NAALADL2: variants seen among roughly 807,000 people sequenced by gnomAD.
NAALADL2 encodes the protein inactive N-acetylated-alpha-linked acidic dipeptidase-like protein 2.
A neutral mutation model predicts 87.2 loss-of-function variants in NAALADL2; 76 were observed. The ratio of observed to expected loss-of-function variants is 0.87; its 90% CI spans 0.72 to 1.05. NAALADL2 has a LOEUF of 1.05. NAALADL2 is among the 50% of genes least tolerant of loss of function. The probability of loss-of-function intolerance (pLI) is 0.00; values close to 1 mark genes in which losing one functional copy is unlikely to be tolerated. For missense variants in NAALADL2, 1,089 were observed against 945.8 expected, an observed-to-expected ratio of 1.15 and a Z score of -1.99; for synonymous variants, 354 against 331.0, an observed-to-expected ratio of 1.07 and a Z score of -0.75.
intron 3 of NAALADL2, among the ~76,000 whole-genome samples, chr3:174,831,465 A>G (rs1722677980): frequency 7.1e-6 from 1 of 140,564 alleles, no homozygotes; most frequent in Admixed American, 7.0e-5. Flanking sequence ...AGCCCACTTG[A>G]TCATGGTGGA....
chr3:175,525,762 A>T (rs945959762), intron 9 of NAALADL2, among the ~76,000 whole-genome samples: 3 of 152,120 alleles, frequency 2.0e-5, no homozygotes, highest in Non-Finnish European at 2.9e-5. Context: ...AATTAAAAAG[A>T]TGTCATATAT....
chr3:174,888,855 G>C (rs2109776774), intron 1 of NAALADL2, among the ~76,000 whole-genome samples: 1 of 152,272 alleles, frequency 6.6e-6, no homozygotes, highest in South Asian at 2.1e-4. Context: ...TATTTGCTTG[G>C]TTAACTGCAA....
chr3:174,929,613 TTTGA>T (rs1427090708), intron 1 of NAALADL2, among the ~76,000 whole-genome samples: 2 of 152,138 alleles, frequency 1.3e-5, no homozygotes, highest in East Asian at 1.9e-4. Flanking sequence ...TTGCTATCTG[TTTGA>T]TTGAGAAAAT....
chr3:175,503,655 T>A (rs528018755), intron 9 of NAALADL2, among the ~76,000 whole-genome samples: 1 of 152,188 alleles, frequency 6.6e-6, no homozygotes, highest in East Asian at 1.9e-4. Flanking sequence ...CTCATTGTGG[T>A]TTTGGTTTGT....
Position 175,782,915 on chromosome 3 carries a change from T to C in NAALADL2, c.2190-20090T>C, listed in dbSNP as rs549417547. Among the ~76,000 whole-genome samples the C allele has an allele frequency of 2.6e-3, 383 of 147,832 alleles. 4 individuals are homozygous for C. The highest frequency in any genetic ancestry group is 0.021 in the Middle Eastern group (6 of 288). ...TAAGGAAGGGATCCAGTTTCAGCTT[T>C]CTACATATGGCTAGCCAGTTTTCCC... is the stretch of plus-strand genomic sequence containing the variant. On this transcript the variant is annotated intron_variant, in intron 13 of 13. Transcript: ENST00000454872.
At chr3:174,780,168 C>T (rs933393937) in intron 3 of NAALADL2, among the ~76,000 whole-genome samples, 5 of 152,116 alleles carry the variant, frequency 3.3e-5, no homozygotes, top group African/African-American at 1.2e-4. Context: ...TTGTAAATCT[C>T]CTTGAAGAAG....
chr3:175,097,034 G>T lies in NAALADL2; in HGVS notation c.288G>T (p.Arg96Ser), dbSNP rs575342355. Residue 96 changes from arginine (R) to serine (S), a missense_variant, in exon 2 of 14, where the codon AGG (arginine) becomes AGT (serine). Coordinates refer to ENST00000454872, the MANE Select transcript of NAALADL2 (RefSeq NM_207015.3). ...SIQPATSPKGRFQRLQEESDY... is the reference protein window; with the variant it reads ...SIQPATSPKGSFQRLQEESDY... ...AACCAGCAACTTCACCCAAAGGAAGGTTCCAGAGACTTCAAGAAGAATCTG... is the reference window on the plus strand; with the variant it reads ...AACCAGCAACTTCACCCAAAGGAAGTTTCCAGAGACTTCAAGAAGAATCTG... 53 of 1,613,628 alleles carry T rather than the reference G, an allele frequency of 3.3e-5. 1 individual carries two copies. In the African/African-American group the frequency reaches 4.3e-4, roughly 13 times the overall value.
At chr3:175,069,772 A>T (rs1445655809) in intron 1 of NAALADL2, among the ~76,000 whole-genome samples, 2 of 151,812 alleles carry the variant, frequency 1.3e-5, no homozygotes, top group Admixed American at 6.6e-5. Flanking sequence ...CAAATGTCCA[A>T]CAATGATAGA....
intron 3 of NAALADL2, among the ~76,000 whole-genome samples, chr3:175,251,308 T>C (rs998260835): frequency 6.6e-6 from 1 of 152,206 alleles, no homozygotes; most frequent in Admixed American, 6.5e-5. Context: ...GTTATAAAAA[T>C]GAATGTATAG....
chr3:175,017,354 A>T (rs894256538), intron 1 of NAALADL2, among the ~76,000 whole-genome samples: 3 of 152,140 alleles, frequency 2.0e-5, no homozygotes, highest in Non-Finnish European at 4.4e-5. Flanking sequence ...CTTCACAACC[A>T]TCCTTCAAGG....
intron 1 of NAALADL2, among the ~76,000 whole-genome samples, chr3:174,447,437 G>GTAGTTAAATAATTTAACGGGT (rs1164733166): frequency 6.6e-6 from 1 of 152,190 alleles, no homozygotes; most frequent in African/African-American, 2.4e-5. Flanking sequence ...TTTGGAGAAA[G>GTAGTTAAATAATTTAACGGGT]TAGTTAAATA....
At chr3:174,991,584 G>C (rs1579907276) in intron 1 of NAALADL2, among the ~76,000 whole-genome samples, 1 of 151,972 alleles carries the variant, frequency 6.6e-6, no homozygotes, top group East Asian at 1.9e-4. Context: ...CCTATGTACA[G>C]AACAACAAAA....
intron 1 of NAALADL2, among the ~76,000 whole-genome samples, chr3:174,942,625 G>A (rs1738789617): frequency 6.6e-6 from 1 of 152,092 alleles, no homozygotes; most frequent in South Asian, 2.1e-4. Context: ...TCTGAAATAT[G>A]TTTTCCAAGT....
chr3:175,644,557 G>A (rs1412911097), intron 11 of NAALADL2, among the ~76,000 whole-genome samples: 2 of 152,208 alleles, frequency 1.3e-5, no homozygotes, highest in African/African-American at 2.4e-5. Flanking sequence ...TGATGTAGAT[G>A]TATAGGCTTG....
At chr3:174,959,384 T>G (rs1469564031) in intron 1 of NAALADL2, among the ~76,000 whole-genome samples, 2 of 152,030 alleles carry the variant, frequency 1.3e-5, no homozygotes, top group Non-Finnish European at 2.9e-5. Context: ...GCAAAACAGA[T>G]ACTTTGTGCC....
At chr3:175,392,669 G>C (rs992790049) in intron 5 of NAALADL2, among the ~76,000 whole-genome samples, 3 of 152,082 alleles carry the variant, frequency 2.0e-5, no homozygotes, top group Admixed American at 6.6e-5. Flanking sequence ...CTAAAACGGT[G>C]CACCTGCACC....
At chr3:175,706,406 A>G (rs1739724879) in intron 11 of NAALADL2, among the ~76,000 whole-genome samples, 1 of 152,212 alleles carries the variant, frequency 6.6e-6, no homozygotes, top group Admixed American at 6.5e-5. Flanking sequence ...GACAACTAAT[A>G]ATTAAATAGA....
At chr3:175,155,758 G>A (rs1732221038) in intron 2 of NAALADL2, among the ~76,000 whole-genome samples, 1 of 152,112 alleles carries the variant, frequency 6.6e-6, no homozygotes, top group African/African-American at 2.4e-5. Flanking sequence ...TCATCTCAGA[G>A]GCTTTTAAAA....
intron 3 of NAALADL2, among the ~76,000 whole-genome samples, chr3:175,252,894 T>A (rs1461904734): frequency 6.6e-6 from 1 of 152,168 alleles, no homozygotes; most frequent in Non-Finnish European, 1.5e-5. Context: ...TCTTTTCAGT[T>A]GTGTGAAAGC....
Sources: gnomAD v4.1 joint callset for allele counts (sites outside exome capture counted in the v4.1 genomes callset) on GRCh38, gnomAD v4.1.1 for gene constraint, MANE v1.5 for transcripts, NCBI Gene and HGNC (gene_info 2026-07-23, HGNC 2026-07-21) for gene names.